The following BRIP1 variants were observed in gnomAD, a reference collection of about 807,000 sequenced individuals.
BRIP1 encodes BRCA1 interacting DNA helicase 1.
Under a neutral mutation model 119.7 loss-of-function variants are expected in BRIP1, and 88 were observed. The observed-to-expected ratio is 0.74, with a 90% confidence interval of 0.62 to 0.88. BRIP1 has a LOEUF of 0.88. Ranked by LOEUF, BRIP1 falls within the 40% of genes least tolerant of loss-of-function variation. The pLI, the probability that BRIP1 is intolerant of heterozygous loss-of-function variation, is 0.00. For missense variants in BRIP1, 1,259 were observed against 1,455.4 expected (o/e 0.87, Z 2.20); for synonymous variants, 443 against 496.5 (o/e 0.89, Z 1.43).
chr17:61,806,646 C>T lies in BRIP1; in HGVS notation c.918+1821G>A, dbSNP rs775815379. Among the ~76,000 whole-genome samples, 5 of 152,092 alleles carry T rather than the reference C, an allele frequency of 3.3e-5. No homozygotes were observed. Among genetic ancestry groups the T allele is most frequent in the Non-Finnish European group, 7.4e-5 (5 of 68,022 alleles). The stretch of plus-strand genomic sequence containing the variant: ...AAACTGTCTGCCTTCAATACACAAT[C>T]TTACACTTTATCATTGCTTTTACCA... On this transcript the variant is annotated intron_variant, in intron 7 of 19. Transcript: ENST00000259008. The surrounding 1 kb of genome is among the most constrained non-coding windows in gnomAD (Gnocchi z 4.9).
rs2078683382 is a variant in BRIP1, at chr17:61,843,270, A to C, written c.627+3831T>G. Reference sequence around the variant, plus strand: ...AAAAAGTTGAATCTACATAGGATGAATCAAGTCTAGAGATCTAATGAACAG... The same window carrying C: ...AAAAAGTTGAATCTACATAGGATGACTCAAGTCTAGAGATCTAATGAACAG... On this transcript the variant is annotated intron_variant, in intron 6 of 19. Coordinates refer to ENST00000259008, the MANE Select transcript of BRIP1 (RefSeq NM_032043.3). The surrounding 1 kb of genome is among the most constrained non-coding windows in gnomAD (Gnocchi z 5.7). Among the ~76,000 whole-genome samples the C allele has an allele frequency of 6.6e-6, 1 of 152,182 alleles. No homozygotes were observed. The highest frequency in any genetic ancestry group is 6.5e-5 in the Admixed American group (1 of 15,274).
rs1340804078 is a variant in BRIP1, at chr17:61,685,966, T to G, written c.2775A>C (p.Ala925=). 6.2e-7 allele frequency: 1 copy of G among 1,613,966 alleles called. No homozygotes were observed. The highest frequency in any genetic ancestry group is 1.3e-5 in the African/African-American group (1 of 74,942). Residue 925 remains alanine (A), a synonymous_variant, in exon 19 of 20, where the codon GCA becomes GCC. Coordinates refer to ENST00000259008, the MANE Select transcript of BRIP1 (RefSeq NM_032043.3). ...KYSTSPYLLE[A]ASHLSPENFV... ...AATTTTCTGGTGATAGATGACTTGC[T>G]GCTTCCAGTAAATAAGGTGAGGTAC...
rs2078390072 is a variant in BRIP1 at position 61,825,378 on chromosome 17, A to G, written c.628-16621T>C. On this transcript the variant is annotated intron_variant, in intron 6 of 19. Transcript: ENST00000259008. The surrounding 1 kb of genome is among the most constrained non-coding windows in gnomAD (Gnocchi z 4.1). ...ATTATTGGAAGTCCTGGCCAGGGCA[A>G]TCTGACAAGAGAAAGAAATAAAGGG... Among the ~76,000 whole-genome samples, 1 of 152,036 alleles carries G rather than the reference A, an allele frequency of 6.6e-6. No homozygotes were observed.
chr17:61,749,638 G>A (rs1362133099), intron 14 of BRIP1, among the ~76,000 whole-genome samples: 1 of 152,152 alleles, frequency 6.6e-6, no homozygotes, highest in Non-Finnish European at 1.5e-5. Context: ...GAATCCTTGT[G>A]TATTGCTGGT....
rs950883335 is a variant in BRIP1 at position 61,852,305 on chromosome 17, G to A, written c.380-3049C>T. ...AGGGGTAAAATCTTTAAGATACAAA[G>A]TTAAAAAGAAAGAAGATATCTCCCG... On this transcript the variant is annotated intron_variant, in intron 4 of 19. Coordinates refer to ENST00000259008, the MANE Select transcript of BRIP1 (RefSeq NM_032043.3). This position sits in a 1 kb window ranked among gnomAD's most constrained non-coding sequence, Gnocchi z 4.9. 1.3e-5 allele frequency among the ~76,000 whole-genome samples: 2 copies of A among 152,114 alleles called. No homozygotes were observed. Among genetic ancestry groups the A allele is most frequent in the Non-Finnish European group, 2.9e-5 (2 of 68,008 alleles).
chr17:61,817,313 G>C (rs2078251095), intron 6 of BRIP1, among the ~76,000 whole-genome samples: 1 of 152,096 alleles, frequency 6.6e-6, no homozygotes, highest in African/African-American at 2.4e-5. Flanking sequence ...GTTATAGATT[G>C]TATTTCAAAA....
At chr17:61,859,726 G>T in intron 3 of BRIP1, 70 bp downstream of exon 3, 1 of 988,930 alleles carries the variant, frequency 1.0e-6, no homozygotes, top group Non-Finnish European at 1.6e-6. Context: ...AACCAGTCTG[G>T]ATAAAGAATA....
chr17:61,776,491 T>C lies in BRIP1; in HGVS notation c.2007A>G (p.Thr669=). The change falls in exon 14 of 20, where the codon ACA becomes ACG. Residue 669 remains threonine, a synonymous_variant. Coordinates refer to ENST00000259008, the MANE Select transcript of BRIP1 (RefSeq NM_032043.3). The surrounding 1 kb of genome is among the most constrained non-coding windows in gnomAD (Gnocchi z 5.0). ...CTCCCACTTCATCTTGGAACTCAAA[T>C]GTTTCAGTATTCTGGAAGGTAGCAC... ...NLCATFQNTE[T]FEFQDEVGAL... is the part of the protein sequence containing the mutation. The C allele has an allele frequency of 6.2e-7, 1 of 1,614,174 alleles. No homozygotes were observed. The highest frequency in any genetic ancestry group is 1.1e-5 in the South Asian group (1 of 91,088).
chr17:61,753,683 C>T lies in BRIP1; in HGVS notation c.2098-9092G>A, dbSNP rs2077163292. 6.6e-6 allele frequency among the ~76,000 whole-genome samples: 1 copy of T among 151,544 alleles called. No homozygotes were observed. The highest frequency in any genetic ancestry group is 1.5e-5 in the Non-Finnish European group (1 of 67,892). On this transcript the variant is annotated intron_variant, in intron 14 of 19. Coordinates refer to ENST00000259008, the MANE Select transcript of BRIP1 (RefSeq NM_032043.3). The surrounding 1 kb of genome is among the most constrained non-coding windows in gnomAD (Gnocchi z 4.6). ...GTGGTGTGATCACAGCTCATTGTAG[C>T]CTCACATTCCTGGGCTCAAGCGATC...
In BRIP1 at chr17:61,793,624, G is replaced by A. The variant is rs759360709; in HGVS notation, c.1446C>T (p.Ile482=). Reference sequence around the variant, plus strand: ...GCAAAATGGGAAAAGTAGCAGTGGTGATACCCATTTTGTGTAAAGTTAAGA... The same window carrying A: ...GCAAAATGGGAAAAGTAGCAGTGGTAATACCCATTTTGTGTAAAGTTAAGA... ...EMLLTLHKMG[I]TTATFPILQG... Residue 482 remains isoleucine, a synonymous_variant, in exon 10 of 20, where the codon ATC becomes ATT. Transcript: ENST00000259008. The surrounding 1 kb of genome is among the most constrained non-coding windows in gnomAD (Gnocchi z 5.2). 1 of 1,607,660 alleles carries A rather than the reference G, an allele frequency of 6.2e-7. No individual in the cohort carries two copies. Among genetic ancestry groups the A allele is most frequent in the Non-Finnish European group, 8.5e-7 (1 of 1,176,556 alleles).
At chr17:61,783,814 C>T (rs1403565997) in intron 11 of BRIP1, 1 of 152,378 alleles carries the variant, frequency 6.6e-6, no homozygotes, top group Non-Finnish European at 1.5e-5. Flanking sequence ...TGGGCTCACA[C>T]TTACAATCCT....
chr17:61,702,815 A>G (rs572514165), intron 17 of BRIP1, among the ~76,000 whole-genome samples: 14 of 151,574 alleles, frequency 9.2e-5, no homozygotes, highest in Admixed American at 7.9e-4. Flanking sequence ...TCCTTTGGGT[A>G]TACACCCAAT....
At chr17:61,696,985 C>CAAAA (rs775489853) in intron 17 of BRIP1, among the ~76,000 whole-genome samples, 2 of 72,624 alleles carry the variant, frequency 2.8e-5, no homozygotes, top group Non-Finnish European at 5.3e-5. Flanking sequence ...GACTCTGTCT[C>CAAAA]AAAAAAAAAA....
chr17:61,749,438 G>T (rs1033234476), intron 14 of BRIP1, among the ~76,000 whole-genome samples: 4 of 151,852 alleles, frequency 2.6e-5, no homozygotes, highest in African/African-American at 7.3e-5. Context: ...ACAGGCAAAG[G>T]ACATGAATAG....
rs35622034 is a variant in BRIP1 at position 61,823,834 on chromosome 17, A to ATT, written c.628-15079_628-15078dup. Among the ~76,000 whole-genome samples, 6 of 148,332 alleles carry ATT rather than the reference A, an allele frequency of 4.0e-5. No homozygotes were observed. Among genetic ancestry groups the ATT allele is most frequent in the East Asian group, 2.0e-4 (1 of 5,064 alleles). On this transcript the variant is annotated intron_variant, in intron 6 of 19. Coordinates refer to ENST00000259008, the MANE Select transcript of BRIP1 (RefSeq NM_032043.3). This position sits in a 1 kb window ranked among gnomAD's most constrained non-coding sequence, Gnocchi z 4.8. The stretch of plus-strand genomic sequence containing the variant: ...TGCTGAAAGCAGAGATAAAAATAGA[A>ATT]TTTTTTTTTTTGAGACGGAGTTTCG...
rs2077900241 is a variant in BRIP1, at chr17:61,796,395, A to G, written c.1341-2666T>C. ...GTAGTTTCATAGTTTGAGGTTGTAG[A>G]TTTAAGTCTTTAATCTATTTTGATT... On this transcript the variant is annotated intron_variant, in intron 9 of 19. Coordinates refer to ENST00000259008, the MANE Select transcript of BRIP1 (RefSeq NM_032043.3). The surrounding 1 kb of genome is among the most constrained non-coding windows in gnomAD (Gnocchi z 4.8). Among the ~76,000 whole-genome samples the G allele has an allele frequency of 1.3e-5, 2 of 152,080 alleles. No individual in the cohort carries two copies. Among genetic ancestry groups the G allele is most frequent in the African/African-American group, 4.8e-5 (2 of 41,434 alleles).
At position 61,827,868 on chromosome 17, in the gene BRIP1, A is replaced by G. The variant is rs1344304140; in HGVS notation, c.628-19111T>C. Among the ~76,000 whole-genome samples the G allele has an allele frequency of 6.6e-6, 1 of 152,236 alleles. No individual in the cohort carries two copies. Among genetic ancestry groups the G allele is most frequent in the African/African-American group, 2.4e-5 (1 of 41,464 alleles). On this transcript the variant is annotated intron_variant, in intron 6 of 19. Coordinates refer to ENST00000259008, the MANE Select transcript of BRIP1 (RefSeq NM_032043.3). The surrounding 1 kb of genome is among the most constrained non-coding windows in gnomAD (Gnocchi z 5.8). ...ACACAAGATACCACTTCACACCCTT[A>G]AAAATGGCTATTCTTTAAAAAGGAC... is the stretch of plus-strand genomic sequence containing the variant.
intron 11 of BRIP1, 114 bp downstream of exon 11, chr17:61,784,156 C>T (rs1431789135): frequency 2.2e-6 from 2 of 905,792 alleles, no homozygotes; most frequent in South Asian, 1.6e-5. Context: ...ATCTATAACA[C>T]TTGTTTTCAA....
rs746715647 is a variant in BRIP1 at position 61,679,306 on chromosome 17, T to A, written c.*3990A>T. 6.6e-6 allele frequency among the ~76,000 whole-genome samples: 1 copy of A among 152,194 alleles called. No individual in the cohort carries two copies. The highest frequency in any genetic ancestry group is 1.5e-5 in the Non-Finnish European group (1 of 68,008). On this transcript the variant is annotated 3_prime_UTR_variant, in exon 20 of 20. Transcript: ENST00000259008. This position sits in a 1 kb window ranked among gnomAD's most constrained non-coding sequence, Gnocchi z 4.4. ...GCCAAATTTAAACCCATGTAATAACTAAGTGCATAGAAACATAGTAATAGT... is the reference window on the plus strand; with the variant it reads ...GCCAAATTTAAACCCATGTAATAACAAAGTGCATAGAAACATAGTAATAGT...
Sources: allele counts gnomAD v4.1 joint callset (sites outside exome capture counted in the v4.1 genomes callset), GRCh38; gene constraint gnomAD v4.1.1; non-coding constraint Gnocchi (gnomAD v3.1); transcripts MANE v1.5; gene names NCBI Gene and HGNC (gene_info 2026-07-23, HGNC 2026-07-21).